The following CD164 variants were observed in gnomAD, a reference collection of about 807,000 sequenced individuals.
CD164 encodes the protein sialomucin core protein 24.
A neutral mutation model predicts 24.6 loss-of-function variants in CD164; 11 were observed. That is an observed-to-expected ratio of 0.45 (90% CI 0.28 to 0.74). The LOEUF (loss-of-function observed/expected upper bound fraction) is 0.74. Among genes scored for constraint, CD164 ranks in the 30% least tolerant of loss-of-function variants. The probability of loss-of-function intolerance (pLI) is 0.13; values close to 1 mark genes in which losing one functional copy is unlikely to be tolerated. For missense variants in CD164, 295 were observed against 243.7 expected, an observed-to-expected ratio of 1.21 and a Z score of -1.40; for synonymous variants, 126 against 100.3, an observed-to-expected ratio of 1.26 and a Z score of -1.53.
intron 3 of CD164, among the ~76,000 whole-genome samples, chr6:109,376,741 C>T (rs900526040): frequency 2.0e-5 from 3 of 152,212 alleles, no homozygotes; most frequent in African/African-American, 7.2e-5. Context: ...CAAAAACGTT[C>T]TAATACTAAT....
At chr6:109,375,128 A>T (rs1194664340) in intron 4 of CD164, among the ~76,000 whole-genome samples, 4 of 152,196 alleles carry the variant, frequency 2.6e-5, no homozygotes, top group African/African-American at 9.7e-5. Flanking sequence ...TGGGAATGAA[A>T]ATAATAAATC....
chr6:109,370,424 T>C lies in CD164; in HGVS notation c.414A>G (p.Thr138=), dbSNP rs145269975. The C allele has an allele frequency of 5.0e-5, 81 of 1,612,890 alleles. No homozygotes were observed. In the African/African-American group the frequency reaches 8.9e-4, roughly 18 times the overall value. ...VQPSPSTTSK[T]VTTSGTTNNT... ...AGCCTCAATTACCTGATGTAGTAAC[T>C]GTCTTGGAAGTTGTAGAAGGGGAGG... The change falls in exon 5 of 6, where the codon ACA becomes ACG. Residue 138 remains threonine, a synonymous_variant. Transcript: ENST00000310786.
Position 109,368,844 on chromosome 6 carries a change from G to A in CD164, c.*7C>T. The A allele has an allele frequency of 6.2e-7, 1 of 1,605,980 alleles. No individual in the cohort carries two copies. The highest frequency in any genetic ancestry group is 1.1e-5 in the South Asian group (1 of 89,972). ...ATCACCAGTCCTTATTAATTCAATG[G>A]GTCTGTTTACAGAGTGTGGTAATTT... On this transcript the variant is annotated 3_prime_UTR_variant, in exon 6 of 6. Transcript: ENST00000310786.
chr6:109,374,493 G>T (rs373837674), intron 4 of CD164, among the ~76,000 whole-genome samples: 2 of 152,042 alleles, frequency 1.3e-5, no homozygotes, highest in Non-Finnish European at 2.9e-5. Flanking sequence ...CTGTTCTCTA[G>T]AATTATTGTA....
intron 5 of CD164, among the ~76,000 whole-genome samples, chr6:109,369,992 G>A (rs771940830): frequency 6.6e-6 from 1 of 152,170 alleles, no homozygotes; most frequent in Non-Finnish European, 1.5e-5. Context: ...AAAGTGAGGT[G>A]CACATCTGGT....
rs781171207 is a variant in CD164, at chr6:109,382,408, A to G, written c.-30T>C. The G allele has an allele frequency of 2.0e-6, 3 of 1,487,328 alleles. No homozygotes were observed. Among genetic ancestry groups the G allele is most frequent in the Middle Eastern group, 1.7e-4 (1 of 5,832 alleles). The allele number at this position is 1,487,328 out of a possible 1,614,324, so 92.1% of individuals were successfully genotyped here. The stretch of plus-strand genomic sequence containing the variant: ...TCCTCAGCGCTGGCGTTCGGGAGAA[A>G]GCTAAGGCTCGCAACGCTCAGTCAA... On this transcript the variant is annotated 5_prime_UTR_variant, in exon 1 of 6. Coordinates refer to ENST00000310786, the MANE Select transcript of CD164 (RefSeq NM_006016.6).
chr6:109,377,653 A>G (rs1221558872), intron 3 of CD164, among the ~76,000 whole-genome samples: 1 of 151,952 alleles, frequency 6.6e-6, no homozygotes, highest in Non-Finnish European at 1.5e-5. Flanking sequence ...TTAAAAAAAA[A>G]AAAAAAAGTG....
rs1057438096 is a variant in CD164 at position 109,381,348 on chromosome 6, A to G, written c.175+856T>C. ...TTAGAAAACCCACAGACCTGGGCAC[A>G]AACCCCCGTTCCACGACCTACTAAA... is the stretch of plus-strand genomic sequence containing the variant. On this transcript the variant is annotated intron_variant, in intron 1 of 5. Coordinates refer to ENST00000310786, the MANE Select transcript of CD164 (RefSeq NM_006016.6). 3.7e-4 allele frequency among the ~76,000 whole-genome samples: 57 copies of G among 152,220 alleles called. 1 individual carries two copies. The highest frequency in any genetic ancestry group is 1.3e-3 in the African/African-American group (55 of 41,466).
At position 109,369,471 on chromosome 6, in the gene CD164, T is replaced by C. The variant is rs545009874; in HGVS notation, c.428-454A>G. Among the ~76,000 whole-genome samples the C allele has an allele frequency of 1.0e-3, 153 of 152,340 alleles. 1 individual carries two copies. Among genetic ancestry groups the C allele is most frequent in the Non-Finnish European group, 1.6e-3 (111 of 68,038 alleles). The stretch of plus-strand genomic sequence containing the variant: ...AATAATCTTAATAATATGCAATTTA[T>C]AATTTCAACAAGTAAAATAACTGTT... On this transcript the variant is annotated intron_variant, in intron 5 of 5. Coordinates refer to ENST00000310786, the MANE Select transcript of CD164 (RefSeq NM_006016.6).
At chr6:109,373,692 A>C (rs1771230461) in intron 4 of CD164, among the ~76,000 whole-genome samples, 1 of 152,194 alleles carries the variant, frequency 6.6e-6, no homozygotes, top group Admixed American at 6.5e-5. Context: ...TCTGAAAATT[A>C]CTTTTCTCCA....
chr6:109,380,056 A>T (rs1771650318), intron 1 of CD164: 1 of 153,624 alleles, frequency 6.5e-6, no homozygotes, highest in Non-Finnish European at 1.4e-5. Flanking sequence ...CTACCCCCAA[A>T]CATCAGATAA....
At chr6:109,372,358 T>C (rs1476180072) in intron 4 of CD164, 2 of 152,212 alleles carry the variant, frequency 1.3e-5, no homozygotes, top group Non-Finnish European at 2.9e-5. Context: ...TGACTACCCA[T>C]AATCCCAAGG....
intron 4 of CD164, among the ~76,000 whole-genome samples, chr6:109,373,304 T>C (rs1771200390): frequency 6.6e-6 from 1 of 152,236 alleles, no homozygotes; most frequent in Admixed American, 6.5e-5. Flanking sequence ...GGAGGGCCAT[T>C]ATAATTAACC....
chr6:109,368,087 T>C lies in CD164; in HGVS notation c.*764A>G, dbSNP rs1562234085. On this transcript the variant is annotated 3_prime_UTR_variant, in exon 6 of 6. Transcript: ENST00000310786. ...TAACAGTATGATATCTAAAACAGGT[T>C]TACTACTGCTCACATCAAGTTACAT... 2.3e-6 allele frequency: 1 copy of C among 439,180 alleles called. No homozygotes were observed. The highest frequency in any genetic ancestry group is 4.0e-6 in the Non-Finnish European group (1 of 250,988). The allele number at this position is 439,180 out of a possible 1,614,324, so 27.2% of individuals were successfully genotyped here.
Position 109,375,344 on chromosome 6 carries a change from C to T in CD164, c.370+730G>A, listed in dbSNP as rs530333316. Among the ~76,000 whole-genome samples the T allele has an allele frequency of 2.6e-5, 4 of 152,012 alleles. No homozygotes were observed. In the South Asian group the frequency reaches 6.3e-4, roughly 24 times the overall value. ...TAAGAGAGAAAATACAGGCTGGGCT[C>T]GGTGGCTCACACCTGTAATCCCGGC... On this transcript the variant is annotated intron_variant, in intron 4 of 5. Coordinates refer to ENST00000310786, the MANE Select transcript of CD164 (RefSeq NM_006016.6).
chr6:109,371,417 A>G (rs1266571998), intron 4 of CD164: 1 of 153,452 alleles, frequency 6.5e-6, no homozygotes, highest in Non-Finnish European at 1.5e-5. Flanking sequence ...CACCCAGCTA[A>G]TTTTTTATTT....
intron 4 of CD164, among the ~76,000 whole-genome samples, chr6:109,373,995 C>G (rs989888831): frequency 6.6e-6 from 1 of 152,194 alleles, no homozygotes; most frequent in Admixed American, 6.5e-5. Context: ...GTCCTTGTTA[C>G]AGCATTTGAC....
chr6:109,370,769 G>A (rs1052231800), intron 4 of CD164: 6 of 256,574 alleles, frequency 2.3e-5, no homozygotes, highest in Non-Finnish European at 3.7e-5. Flanking sequence ...CACTGCCAAG[G>A]GCAAGAACAT....
chr6:109,379,772 T>C lies in CD164; in HGVS notation c.176-110A>G, dbSNP rs893558301. The C allele has an allele frequency of 6.8e-6, 5 of 730,366 alleles. No individual in the cohort carries two copies. In the Admixed American group the frequency reaches 8.4e-5, roughly 12 times the overall value. The allele number at this position is 730,366 out of a possible 1,614,324, so 45.2% of individuals were successfully genotyped here. ...ATAAGCATTACATACAGCATCAAAATTACTAATTCAGATAAATGATAAAAC... is the reference window on the plus strand; with the variant it reads ...ATAAGCATTACATACAGCATCAAAACTACTAATTCAGATAAATGATAAAAC... On this transcript the variant is annotated intron_variant, in intron 1 of 5. Transcript: ENST00000310786.
Sources: allele counts gnomAD v4.1 joint callset (sites outside exome capture counted in the v4.1 genomes callset), GRCh38; gene constraint gnomAD v4.1.1; transcripts MANE v1.5; gene names NCBI Gene and HGNC (gene_info 2026-07-23, HGNC 2026-07-21).